RABGEF1: variants seen among roughly 807,000 people sequenced by gnomAD.
RABGEF1 encodes RAB guanine nucleotide exchange factor 1.
A neutral mutation model predicts 57.3 loss-of-function variants in RABGEF1; 26 were observed. That is an observed-to-expected ratio of 0.45 (90% confidence interval 0.33 to 0.63). The LOEUF (loss-of-function observed/expected upper bound fraction) is 0.63. Among genes scored for constraint, RABGEF1 ranks in the 20% least tolerant of loss-of-function variants. The pLI, the probability that RABGEF1 is intolerant of heterozygous loss-of-function variation, is 0.02. For missense variants in RABGEF1, 464 were observed against 607.6 expected, an observed-to-expected ratio of 0.76 and a Z score of 2.48; for synonymous variants, 185 against 210.7, an observed-to-expected ratio of 0.88 and a Z score of 1.06.
chr7:66,706,192 G>T (rs1472167158), intron 1 of RABGEF1, among the ~76,000 whole-genome samples: 1 of 151,870 alleles, frequency 6.6e-6, no homozygotes, highest in African/African-American at 2.4e-5. Flanking sequence ...ATGAGCCACC[G>T]TGCCCGGCCT....
chr7:66,720,809 T>C (rs1386567015), intron 2 of RABGEF1, among the ~76,000 whole-genome samples: 1 of 152,186 alleles, frequency 6.6e-6, no homozygotes, highest in Non-Finnish European at 1.5e-5. Flanking sequence ...CCAGGAGATA[T>C]GAAATAAGCT....
chr7:66,758,393 T>G (rs147190947), intron 1 of RABGEF1, among the ~76,000 whole-genome samples: 1 of 152,268 alleles, frequency 6.6e-6, no homozygotes, highest in African/African-American at 2.4e-5. Flanking sequence ...GCAGCAGAGA[T>G]CATTTTTACT....
At chr7:66,785,118 G>A (rs1393323722) in intron 4 of RABGEF1, among the ~76,000 whole-genome samples, 1 of 152,164 alleles carries the variant, frequency 6.6e-6, no homozygotes, top group African/African-American at 2.4e-5. Flanking sequence ...GCTCAGAAGT[G>A]TGATGTGTTC....
At chr7:66,655,499 G>A in the RABGEF1 span, among the ~76,000 whole-genome samples, 1 of 152,170 alleles carries the variant, frequency 6.6e-6, no homozygotes, top group Non-Finnish European at 1.5e-5. Context: ...GGCTTGGAGA[G>A]CTACTTTCCC....
intron 2 of RABGEF1, among the ~76,000 whole-genome samples, chr7:66,714,843 G>A (rs1302942949): frequency 6.6e-6 from 1 of 152,214 alleles, no homozygotes; most frequent in Non-Finnish European, 1.5e-5. Context: ...GCTGAGGCAG[G>A]AGAATGGTGT....
At chr7:66,662,480 A>T in the RABGEF1 span, among the ~76,000 whole-genome samples, 2 of 152,066 alleles carry the variant, frequency 1.3e-5, no homozygotes, top group Non-Finnish European at 2.9e-5. Context: ...AGAAACTTCT[A>T]CCTGTCCCAT....
intron 1 of RABGEF1, among the ~76,000 whole-genome samples, chr7:66,771,416 G>A (rs1198919456): frequency 6.6e-6 from 1 of 152,204 alleles, no homozygotes; most frequent in Non-Finnish European, 1.5e-5. Flanking sequence ...TGGGATTACA[G>A]GTGTGAGCCA....
rs537294845 is a variant in RABGEF1 at position 66,744,477 on chromosome 7, G to T, written c.-18+3685G>T. On this transcript the variant is annotated intron_variant, in intron 1 of 8. Transcript: ENST00000284957. ...AGGTCAGGAGATCAAGACCATCCTG[G>T]CTAACACGGTGAAACCCTGTCTCTA... Among the ~76,000 whole-genome samples the T allele has an allele frequency of 3.3e-5, 5 of 151,870 alleles. No homozygotes were observed. In the South Asian group the frequency reaches 6.3e-4, roughly 19 times the overall value.
At chr7:66,741,544 G>C (rs1798948283) in intron 1 of RABGEF1, among the ~76,000 whole-genome samples, 1 of 152,132 alleles carries the variant, frequency 6.6e-6, no homozygotes, top group Non-Finnish European at 1.5e-5. Flanking sequence ...CAATCCTTGC[G>C]GTTGGGAAAT....
At chr7:66,671,137 A>G in the RABGEF1 span, among the ~76,000 whole-genome samples, 1 of 152,084 alleles carries the variant, frequency 6.6e-6, no homozygotes, top group East Asian at 1.9e-4. Flanking sequence ...TGCTGGTATT[A>G]CAGTATTTAA....
chr7:66,721,140 A>G (rs1209380780), intron 2 of RABGEF1, among the ~76,000 whole-genome samples: 1 of 152,160 alleles, frequency 6.6e-6, no homozygotes, highest in East Asian at 1.9e-4. Context: ...GCTGCTCTCG[A>G]ACTCCCGAGC....
At position 66,772,944 on chromosome 7, in the gene RABGEF1, T is replaced by G. The variant is rs1040355629; in HGVS notation, c.179+866T>G. ...AATAAATAAATAAATAAATAAATGA[T>G]GGGATGGCTAGTGAGCATAGGAACT... On this transcript the variant is annotated intron_variant, in intron 2 of 8. Coordinates refer to ENST00000284957, the MANE Select transcript of RABGEF1 (RefSeq NM_014504.3). Among the ~76,000 whole-genome samples, 223 of 151,310 alleles carry G rather than the reference T, an allele frequency of 1.5e-3. 2 individuals carry two copies. Among genetic ancestry groups the G allele is most frequent in the Non-Finnish European group, 6.2e-4 (42 of 67,790 alleles).
chr7:66,781,506 C>A (rs1003800335), intron 3 of RABGEF1, among the ~76,000 whole-genome samples: 1 of 152,056 alleles, frequency 6.6e-6, no homozygotes, highest in Non-Finnish European at 1.5e-5. Flanking sequence ...TTAGGTTATC[C>A]CTCCCCTTGT....
At chr7:66,762,729 C>G (rs1439220115) in intron 1 of RABGEF1, among the ~76,000 whole-genome samples, 1 of 152,010 alleles carries the variant, frequency 6.6e-6, no homozygotes, top group East Asian at 1.9e-4. Flanking sequence ...CCCCCGTCCC[C>G]CAAAAGAATA....
At chr7:66,662,482 C>T in the RABGEF1 span, among the ~76,000 whole-genome samples, 2 of 152,206 alleles carry the variant, frequency 1.3e-5, no homozygotes, top group Non-Finnish European at 2.9e-5. Flanking sequence ...AAACTTCTAC[C>T]TGTCCCATGC....
chr7:66,659,639 T>C, the RABGEF1 span, among the ~76,000 whole-genome samples: 1 of 151,168 alleles, frequency 6.6e-6, no homozygotes, highest in African/African-American at 2.4e-5. Flanking sequence ...AATCAGCTGG[T>C]TGTGGTGTTA....
chr7:66,774,175 CA>C (rs770555767), intron 2 of RABGEF1, among the ~76,000 whole-genome samples: 64 of 152,292 alleles, frequency 4.2e-4, no homozygotes, highest in Non-Finnish European at 6.8e-4. Flanking sequence ...ACAACTTGAC[CA>C]AGTTCTATTT....
intron 1 of RABGEF1, among the ~76,000 whole-genome samples, chr7:66,698,396 CCA>C (rs1464056013): frequency 6.6e-6 from 1 of 152,118 alleles, no homozygotes; most frequent in East Asian, 1.9e-4. Context: ...AGTGGGCAGC[CCA>C]CGAAAGAGAG....
Position 66,775,294 on chromosome 7 carries a change from T to C in RABGEF1, c.247T>C (p.Phe83Leu). 1 of 1,613,966 alleles carries C rather than the reference T, an allele frequency of 6.2e-7. No homozygotes were observed. The highest frequency in any genetic ancestry group is 2.2e-5 in the East Asian group (1 of 44,884). ...CAGCCAAGGGGCCCAATCCCTCACA[T>C]TCTCCAAGTTTGAAGAAAAGAAAAC... ...QSSQGAQSLT[F>L]SKFEEKKTNE... The change falls in exon 3 of 9, where the codon TTC becomes CTC. Residue 83 changes from phenylalanine (F) to leucine (L), a missense_variant. By Grantham distance (22) the Phe-to-Leu change is conservative (BLOSUM62 0). This residue lies in a region of RABGEF1 where 284 missense variants were observed against 389.9 expected (regional missense o/e 0.73). Coordinates refer to ENST00000284957, the MANE Select transcript of RABGEF1 (RefSeq NM_014504.3).
Sources: gnomAD v4.1 joint callset for allele counts (sites outside exome capture counted in the v4.1 genomes callset) on GRCh38, gnomAD v4.1.1 for gene constraint, gnomAD v4.1.1 regional missense constraint, MANE v1.5 for transcripts, NCBI Gene and HGNC (gene_info 2026-07-23, HGNC 2026-07-21) for gene names.